ATP9A: variants seen among roughly 807,000 people sequenced by gnomAD.
ATP9A encodes ATPase phospholipid transporting 9A.
In ATP9A, 52 loss-of-function variants were observed where a neutral mutation model predicts 144.1. The ratio of observed to expected loss-of-function variants is 0.36; its 90% CI spans 0.29 to 0.45. The LOEUF (loss-of-function observed/expected upper bound fraction) is 0.45. ATP9A is among the 20% of genes least tolerant of loss of function. ATP9A has a pLI of 1.00. For missense variants in ATP9A, 947 were observed against 1,392.7 expected (o/e 0.68, Z 5.09); for synonymous variants, 582 against 557.4 (o/e 1.04, Z -0.62).
In ATP9A at chr20:51,765,809, T is replaced by A. The variant is rs188379911; in HGVS notation, c.68+2493A>T. Among the ~76,000 whole-genome samples, 218 of 152,028 alleles carry A rather than the reference T, an allele frequency of 1.4e-3. 1 individual carries two copies. The highest frequency in any genetic ancestry group is 4.8e-3 in the African/African-American group (200 of 41,456). ...CTCTCTCTACTAAAAATACAAAGAT[T>A]AGCCGGGAGTGGTAGTGGGCACCTG... On this transcript the variant is annotated intron_variant, in intron 1 of 27. Transcript: ENST00000338821.
At chr20:51,608,922 C>CGTGTGTGTGTGTGTGTGTGTGTGTGT (rs1214031645) in intron 24 of ATP9A, among the ~76,000 whole-genome samples, 2 of 142,794 alleles carry the variant, frequency 1.4e-5, no homozygotes, top group African/African-American at 5.3e-5. Flanking sequence ...GGAAATAAGA[C>CGTGTGTGTGTGTGTGTGTGTGTGTGT]GTGTGTGTGT....
intron 13 of ATP9A, among the ~76,000 whole-genome samples, chr20:51,660,096 A>G (rs888045963): frequency 2.0e-5 from 3 of 152,216 alleles, no homozygotes; most frequent in Non-Finnish European, 2.9e-5. Context: ...AAAAAATTCT[A>G]TAATTTAGGT....
At chr20:51,701,761 C>G (rs1177958174) in intron 4 of ATP9A, among the ~76,000 whole-genome samples, 1 of 152,210 alleles carries the variant, frequency 6.6e-6, no homozygotes, top group African/African-American at 2.4e-5. Flanking sequence ...AGCCTCGGAT[C>G]TGCAGCTTGA....
chr20:51,758,264 T>TCA (rs1476508315), intron 1 of ATP9A, among the ~76,000 whole-genome samples: 3 of 152,204 alleles, frequency 2.0e-5, no homozygotes, highest in African/African-American at 7.2e-5. Context: ...AAAATCAGAA[T>TCA]CATTCTAAAT....
chr20:51,685,207 AG>A (rs2077517943), intron 9 of ATP9A, among the ~76,000 whole-genome samples: 1 of 152,186 alleles, frequency 6.6e-6, no homozygotes, highest in Non-Finnish European at 1.5e-5. Flanking sequence ...AGGAGCATGA[AG>A]AAGAAGAGGC....
chr20:51,705,123 T>G (rs992897822), intron 4 of ATP9A, among the ~76,000 whole-genome samples: 4 of 152,224 alleles, frequency 2.6e-5, no homozygotes, highest in South Asian at 2.1e-4. Flanking sequence ...GAATATAAAG[T>G]TTCAATTTAA....
At chr20:51,654,463 A>T (rs928624693) in intron 14 of ATP9A, among the ~76,000 whole-genome samples, 5 of 149,778 alleles carry the variant, frequency 3.3e-5, no homozygotes, top group Admixed American at 1.3e-4. Context: ...AAAATGGGTT[A>T]AAAAAAAAAT....
chr20:51,663,795 G>GAAAAAAAAAA (rs56793951), intron 13 of ATP9A, among the ~76,000 whole-genome samples: 1 of 114,894 alleles, frequency 8.7e-6, no homozygotes, highest in South Asian at 2.9e-4. Flanking sequence ...CTCCGTCTCA[G>GAAAAAAAAAA]AAAAAAAAAA....
intron 1 of ATP9A, among the ~76,000 whole-genome samples, chr20:51,733,320 CA>C (rs1347825917): frequency 6.6e-6 from 1 of 151,936 alleles, no homozygotes; most frequent in Non-Finnish European, 1.5e-5. Flanking sequence ...CTGGAGGCTG[CA>C]AAGTCCAAGA....
intron 14 of ATP9A, among the ~76,000 whole-genome samples, chr20:51,656,278 G>A (rs755033919): frequency 4.6e-5 from 7 of 151,950 alleles, no homozygotes; most frequent in South Asian, 2.1e-4. Context: ...ACTCACCAAC[G>A]CAGTGACTCA....
At chr20:51,655,005 A>C (rs890442869) in intron 14 of ATP9A, among the ~76,000 whole-genome samples, 1 of 152,174 alleles carries the variant, frequency 6.6e-6, no homozygotes, top group African/African-American at 2.4e-5. Context: ...TGAATTCATA[A>C]ACCCAATCAC....
chr20:51,639,969 C>T (rs368664208), intron 14 of ATP9A, among the ~76,000 whole-genome samples: 1 of 151,982 alleles, frequency 6.6e-6, no homozygotes. Flanking sequence ...ACCTGTAATC[C>T]CAGCTACCCA....
At chr20:51,620,265 C>A (rs1381668070) in intron 19 of ATP9A, among the ~76,000 whole-genome samples, 1 of 152,202 alleles carries the variant, frequency 6.6e-6, no homozygotes, top group Non-Finnish European at 1.5e-5. Context: ...AAAATACCTG[C>A]TGTTTAGAAA....
chr20:51,666,395 A>C (rs555523632), intron 13 of ATP9A, among the ~76,000 whole-genome samples: 1 of 152,124 alleles, frequency 6.6e-6, no homozygotes, highest in Non-Finnish European at 1.5e-5. Flanking sequence ...TTTACGAAAC[A>C]CTGGGCCAGG....
chr20:51,725,301 T>C (rs1282438992), intron 3 of ATP9A, among the ~76,000 whole-genome samples: 1 of 152,068 alleles, frequency 6.6e-6, no homozygotes, highest in Non-Finnish European at 1.5e-5. Context: ...TTTTATATTT[T>C]TAGTAGAGAT....
intron 15 of ATP9A, among the ~76,000 whole-genome samples, chr20:51,636,397 G>T (rs997534159): frequency 6.6e-6 from 1 of 152,196 alleles, no homozygotes; most frequent in Non-Finnish European, 1.5e-5. Flanking sequence ...AACTGAACCT[G>T]CAGATAAGTG....
At chr20:51,718,919 G>C (rs2077675779) in intron 3 of ATP9A, among the ~76,000 whole-genome samples, 1 of 150,816 alleles carries the variant, frequency 6.6e-6, no homozygotes. Context: ...CACGAGGTCA[G>C]GAGTTCGAGA....
chr20:51,713,082 G>A lies in ATP9A; in HGVS notation c.328-8C>T. ...GACGGCCAGCACGAAGCCCTGCAGA[G>A]ACAGACGACAGTGAGTCTTGCTACA... On this transcript the variant is annotated splice_polypyrimidine_tract_variant and splice_region_variant and intron_variant, in intron 3 of 27. Coordinates refer to ENST00000338821, the MANE Select transcript of ATP9A (RefSeq NM_006045.3). 6.2e-7 allele frequency: 1 copy of A among 1,602,666 alleles called. No homozygotes were observed. The highest frequency in any genetic ancestry group is 8.5e-7 in the Non-Finnish European group (1 of 1,174,814).
intron 14 of ATP9A, among the ~76,000 whole-genome samples, chr20:51,650,586 G>C (rs1006203726): frequency 6.6e-6 from 1 of 151,736 alleles, no homozygotes; most frequent in East Asian, 1.9e-4. Flanking sequence ...GAAGCGTGAG[G>C]GTAATTCTAA....
Sources: allele counts gnomAD v4.1 joint callset (sites outside exome capture counted in the v4.1 genomes callset), GRCh38; gene constraint gnomAD v4.1.1; transcripts MANE v1.5; gene names NCBI Gene and HGNC (gene_info 2026-07-23, HGNC 2026-07-21).